CBL: variants seen among roughly 807,000 people sequenced by gnomAD.
CBL encodes E3 ubiquitin-protein ligase CBL.
CBL carries 45 observed loss-of-function variants against 96.9 expected under a neutral mutation model. That is an observed-to-expected ratio of 0.46 (90% CI 0.37 to 0.60). The LOEUF (loss-of-function observed/expected upper bound fraction) is 0.60, where lower values mean the gene tolerates loss of function less well. Ranked by LOEUF, CBL falls within the 20% of genes least tolerant of loss-of-function variation. The probability of loss-of-function intolerance (pLI) is 0.00; values close to 1 mark genes in which losing one functional copy is unlikely to be tolerated. For synonymous variants in CBL, 420 were observed against 426.8 expected, an observed-to-expected ratio of 0.98 and a Z score of 0.20; for missense variants, 1,024 against 1,143.5, an observed-to-expected ratio of 0.90 and a Z score of 1.51.
intron 9 of CBL, among the ~76,000 whole-genome samples, chr11:119,282,062 G>A (rs1045852044): frequency 7.2e-5 from 11 of 152,118 alleles, no homozygotes; most frequent in Non-Finnish European, 1.6e-4. Flanking sequence ...TTGCGGCCGG[G>A]TGCGGTGGCT....
intron 1 of CBL, among the ~76,000 whole-genome samples, chr11:119,223,411 T>C (rs544389404): frequency 3.1e-4 from 47 of 150,646 alleles, no homozygotes; most frequent in Middle Eastern, 3.4e-3. Context: ...AATTATGTTA[T>C]GTTATGTTAT....
chr11:119,225,654 G>A lies in CBL; in HGVS notation c.196-6794G>A, dbSNP rs187205735. ...GCTCAAGCGATCTGCCCACCTCAGC[G>A]TCAGCTTCAGCTCCCAAGGTTCTGG... On this transcript the variant is annotated intron_variant, in intron 1 of 15. Coordinates refer to ENST00000264033, the MANE Select transcript of CBL (RefSeq NM_005188.4). Among the ~76,000 whole-genome samples the A allele has an allele frequency of 2.6e-3, 398 of 151,118 alleles. 8 individuals are homozygous for A. The highest frequency in any genetic ancestry group is 5.2e-4 in the Non-Finnish European group (35 of 67,924).
At chr11:119,255,390 C>T (rs1030909765) in intron 2 of CBL, among the ~76,000 whole-genome samples, 4 of 152,046 alleles carry the variant, frequency 2.6e-5, no homozygotes, top group African/African-American at 9.7e-5. Context: ...GGTAACAACT[C>T]GACTAAGATG....
chr11:119,208,918 T>C (rs1366065692), intron 1 of CBL, among the ~76,000 whole-genome samples: 1 of 152,220 alleles, frequency 6.6e-6, no homozygotes, highest in Non-Finnish European at 1.5e-5. Context: ...CTCAAATTGC[T>C]TTTCAGGTTT....
At chr11:119,272,641 T>C (rs551545926) in intron 3 of CBL, among the ~76,000 whole-genome samples, 1 of 152,358 alleles carries the variant, frequency 6.6e-6, no homozygotes, top group South Asian at 2.1e-4. Context: ...ACAGTTTGGC[T>C]AACGCTGGCG....
chr11:119,298,775 G>A (rs1221910974), intron 15 of CBL, among the ~76,000 whole-genome samples: 5 of 152,240 alleles, frequency 3.3e-5, no homozygotes, highest in African/African-American at 1.2e-4. Flanking sequence ...TATGTTAGGG[G>A]TAGGTAGGAT....
chr11:119,297,465 C>G lies in CBL; in HGVS notation c.2235C>G (p.Thr745=), dbSNP rs763880494. Residue 745 remains threonine (T), a synonymous_variant, in exon 14 of 16, where the codon ACC becomes ACG. Coordinates refer to ENST00000264033, the MANE Select transcript of CBL (RefSeq NM_005188.4). ...YNIQSQAPSI[T]ESSTFGEGNL... is the part of the protein sequence containing the mutation. ...TTCAGTCCCAGGCGCCATCTATCAC[C>G]GAGAGCAGCACCTTTGGTAAGTTGC... 1 of 1,611,602 alleles carries G rather than the reference C, an allele frequency of 6.2e-7. No individual in the cohort carries two copies. Among genetic ancestry groups the G allele is most frequent in the Admixed American group, 1.7e-5 (1 of 60,022 alleles).
chr11:119,270,716 G>T (rs987665845), intron 2 of CBL, among the ~76,000 whole-genome samples: 2 of 151,878 alleles, frequency 1.3e-5, no homozygotes, highest in African/African-American at 4.8e-5. Context: ...AAAGTGCTGG[G>T]ATTACAGGCG....
At chr11:119,239,768 C>T (rs756319177) in intron 2 of CBL, among the ~76,000 whole-genome samples, 7 of 151,260 alleles carry the variant, frequency 4.6e-5, no homozygotes, top group Non-Finnish European at 1.0e-4. Context: ...TCTTGTTTTT[C>T]AGTTTTTGGT....
chr11:119,275,670 C>G (rs1949884337), intron 5 of CBL, among the ~76,000 whole-genome samples: 1 of 151,922 alleles, frequency 6.6e-6, no homozygotes, highest in African/African-American at 2.4e-5. Flanking sequence ...TAAGACTGGC[C>G]TGGCCAACAT....
chr11:119,269,650 A>G (rs762936745), intron 2 of CBL, among the ~76,000 whole-genome samples: 14 of 152,244 alleles, frequency 9.2e-5, no homozygotes, highest in Admixed American at 3.9e-4. Flanking sequence ...TCTGTTCCTA[A>G]TAGAGGATTG....
In CBL at chr11:119,275,982, T is replaced by C. The variant is rs1949886625; in HGVS notation, c.870-15T>C. The C allele has an allele frequency of 6.2e-7, 1 of 1,613,918 alleles. No individual in the cohort carries two copies. The highest frequency in any genetic ancestry group is 1.7e-5 in the Admixed American group (1 of 60,014). On this transcript the variant is annotated splice_polypyrimidine_tract_variant and intron_variant, in intron 5 of 15. Transcript: ENST00000264033. Reference sequence around the variant, plus strand: ...AGCATAATCTACTAAAGCTTCTGTTTATGTCTGTTCATAGTTATATCTTCC... The same window carrying C: ...AGCATAATCTACTAAAGCTTCTGTTCATGTCTGTTCATAGTTATATCTTCC...
rs1443484185 is a variant in CBL at position 119,307,009 on chromosome 11, G to A, written c.*7228G>A. On this transcript the variant is annotated 3_prime_UTR_variant, in exon 16 of 16. Coordinates refer to ENST00000264033, the MANE Select transcript of CBL (RefSeq NM_005188.4). ...CACTGTATCCCAGGCTGCATTTTAG[G>A]ACTTAATATGGAAATACCAGAGTCT... The A allele has an allele frequency of 1.3e-5, 3 of 228,256 alleles. No individual in the cohort carries two copies. Among genetic ancestry groups the A allele is most frequent in the African/African-American group, 6.7e-5 (3 of 44,890 alleles). 14.1% of individuals were successfully genotyped at this position (228,256 alleles called of 1,614,324 possible). A position where few individuals can be genotyped will look rare whatever the true frequency, so the allele number is the denominator to read the frequency against.
chr11:119,222,202 G>A (rs897956995), intron 1 of CBL, among the ~76,000 whole-genome samples: 2 of 150,218 alleles, frequency 1.3e-5, no homozygotes, highest in Non-Finnish European at 3.0e-5. Flanking sequence ...ACATGTGTAT[G>A]GTTTTCTGCC....
intron 2 of CBL, among the ~76,000 whole-genome samples, chr11:119,248,213 T>A (rs1256669225): frequency 6.6e-6 from 1 of 152,226 alleles, no homozygotes; most frequent in African/African-American, 2.4e-5. Flanking sequence ...TATTTCTGAT[T>A]TCAAAGCTTT....
intron 12 of CBL, among the ~76,000 whole-genome samples, chr11:119,292,373 C>CTT (rs67573240): frequency 2.2e-3 from 312 of 143,876 alleles, no homozygotes; most frequent in African/African-American, 7.1e-3. Flanking sequence ...ATGCTGATGT[C>CTT]TTTTTTTTTT....
intron 2 of CBL, among the ~76,000 whole-genome samples, chr11:119,243,149 A>G (rs980621633): frequency 1.3e-5 from 2 of 152,042 alleles, no homozygotes; most frequent in Non-Finnish European, 1.5e-5. Flanking sequence ...GTGGCAGTGC[A>G]CGCCTGTAAT....
intron 2 of CBL, among the ~76,000 whole-genome samples, chr11:119,236,547 G>T (rs1025496566): frequency 1.4e-5 from 2 of 146,762 alleles, no homozygotes; most frequent in Non-Finnish European, 3.0e-5. Flanking sequence ...TTTTTGTATG[G>T]CTATAGCCAT....
rs2135327236 is a variant in CBL at position 119,306,472 on chromosome 11, C to T, written c.*6691C>T. 1.0e-5 allele frequency: 4 copies of T among 397,794 alleles called. No homozygotes were observed. Among genetic ancestry groups the T allele is most frequent in the East Asian group, 7.1e-5 (2 of 28,042 alleles). The allele number at this position is 397,794 out of a possible 1,614,324, so 24.6% of individuals were successfully genotyped here. On this transcript the variant is annotated 3_prime_UTR_variant, in exon 16 of 16. Coordinates refer to ENST00000264033, the MANE Select transcript of CBL (RefSeq NM_005188.4). ...CAGGAGGCCAGAGAGGAGTATTGCT[C>T]AATGCGTGCTATGTGCAACTCCTCA...
Sources: allele counts gnomAD v4.1 joint callset (sites outside exome capture counted in the v4.1 genomes callset), GRCh38; gene constraint gnomAD v4.1.1; transcripts MANE v1.5; gene names NCBI Gene and HGNC (gene_info 2026-07-23, HGNC 2026-07-21).